The following ACOT13 variants were observed in gnomAD, a reference collection of about 807,000 sequenced individuals.
The protein encoded by ACOT13 is acyl-CoA thioesterase 13.
In ACOT13, 10 loss-of-function variants were observed where a neutral mutation model predicts 11.8. That is an observed-to-expected ratio of 0.85 (90% CI 0.53 to 1.44). The LOEUF (loss-of-function observed/expected upper bound fraction) is 1.44, where lower values mean the gene tolerates loss of function less well. ACOT13 is among the 40% of genes most tolerant of loss of function. The pLI, the probability that ACOT13 is intolerant of heterozygous loss-of-function variation, is 0.00. For synonymous variants in ACOT13, 53 were observed against 61.0 expected (o/e 0.87, Z 0.61); for missense variants, 172 against 174.1 (o/e 0.99, Z 0.07).
chr6:24,687,503 A>C, intron 1 of ACOT13: 7 of 1,369,626 alleles, frequency 5.1e-6, no homozygotes, highest in Non-Finnish European at 3.8e-6. Flanking sequence ...GAAATAAGGA[A>C]GTGGAATTCC....
chr6:24,687,063 C>T (rs1323894676), intron 1 of ACOT13, among the ~76,000 whole-genome samples: 1 of 152,196 alleles, frequency 6.6e-6, no homozygotes, highest in East Asian at 1.9e-4. Context: ...TCGGAGGAGA[C>T]ACACACCATC....
rs1009095738 is a variant in ACOT13, at chr6:24,687,427, T to C, written c.82-10456T>C. The C allele has an allele frequency of 9.0e-6, 11 of 1,225,006 alleles. No homozygotes were observed. The South Asian group carries it at 3.5e-4, about 39-fold the overall frequency. The allele number at this position is 1,225,006 out of a possible 1,614,324, so 75.9% of individuals were successfully genotyped here. On this transcript the variant is annotated intron_variant, in intron 1 of 2. Transcript: ENST00000230048. The stretch of plus-strand genomic sequence containing the variant: ...CAGTAACACGTGGAGGAACATACGT[T>C]GGGAATATCAACTGACACGCACTGT...
chr6:24,684,162 A>C lies in ACOT13; in HGVS notation c.82-13721A>C, dbSNP rs181064083. Among the ~76,000 whole-genome samples, 403 of 152,300 alleles carry C rather than the reference A, an allele frequency of 2.6e-3. 3 individuals are homozygous for C. Among genetic ancestry groups the C allele is most frequent in the Admixed American group, 5.0e-3 (76 of 15,302 alleles). ...ACGTATATAATAACTGTCCCTAACT[A>C]TCTCTCAGGGCTTTTGTGAAAAATA... On this transcript the variant is annotated intron_variant, in intron 1 of 2. Coordinates refer to ENST00000230048, the MANE Select transcript of ACOT13 (RefSeq NM_018473.4).
chr6:24,700,483 T>C (rs931947798), intron 2 of ACOT13, among the ~76,000 whole-genome samples: 33 of 138,340 alleles, frequency 2.4e-4, no homozygotes, highest in African/African-American at 8.7e-4. Context: ...TTGCCCAGGC[T>C]GGAGTCCAGT....
intron 1 of ACOT13, among the ~76,000 whole-genome samples, chr6:24,672,922 G>A: frequency 6.6e-6 from 1 of 152,154 alleles, no homozygotes; most frequent in Non-Finnish European, 1.5e-5. Context: ...TGTATCTCAG[G>A]AATGCAGTTT....
chr6:24,679,140 A>G (rs200525128), intron 1 of ACOT13, among the ~76,000 whole-genome samples: 1 of 146,242 alleles, frequency 6.8e-6, no homozygotes, highest in African/African-American at 2.5e-5. Context: ...GAAGCAAGCC[A>G]TATTAGGCAT....
At chr6:24,681,760 T>C (rs1353844941) in intron 1 of ACOT13, among the ~76,000 whole-genome samples, 1 of 152,084 alleles carries the variant, frequency 6.6e-6, no homozygotes, top group Non-Finnish European at 1.5e-5. Flanking sequence ...TAGATCCCTT[T>C]GGAGATACAA....
intron 1 of ACOT13, among the ~76,000 whole-genome samples, chr6:24,668,271 T>A (rs1402154516): frequency 3.3e-5 from 5 of 151,578 alleles, no homozygotes; most frequent in Non-Finnish European, 7.4e-5. Context: ...CATGCGGGAG[T>A]GCAGTGACAC....
In ACOT13 at chr6:24,667,090, C is replaced by G; in HGVS notation, c.-174C>G. 2 of 847,826 alleles carry G rather than the reference C, an allele frequency of 2.4e-6. No individual in the cohort carries two copies. Among genetic ancestry groups the G allele is most frequent in the Non-Finnish European group, 3.6e-6 (2 of 557,374 alleles). The allele number at this position is 847,826 out of a possible 1,614,324, so 52.5% of individuals were successfully genotyped here. ...GCGAGGAAAGTCAGTGAGCAAATCGCGGACCACCGGGGCTGCCAGCTCGCC... is the reference window on the plus strand; with the variant it reads ...GCGAGGAAAGTCAGTGAGCAAATCGGGGACCACCGGGGCTGCCAGCTCGCC... On this transcript the variant is annotated 5_prime_UTR_variant, in exon 1 of 3. Coordinates refer to ENST00000230048, the MANE Select transcript of ACOT13 (RefSeq NM_018473.4).
Position 24,702,326 on chromosome 6 carries a change from G to C in ACOT13, c.*711G>C, listed in dbSNP as rs1003494217. On this transcript the variant is annotated 3_prime_UTR_variant, in exon 3 of 3. Transcript: ENST00000230048. ...AGGGTTCACCATGTTGGCCAGGCTGGTCTCGAACTCGTGACCTCAGGTGAT... is the reference window on the plus strand; with the variant it reads ...AGGGTTCACCATGTTGGCCAGGCTGCTCTCGAACTCGTGACCTCAGGTGAT... 2 of 152,344 alleles carry C rather than the reference G, an allele frequency of 1.3e-5. No homozygotes were observed. The highest frequency in any genetic ancestry group is 4.8e-5 in the African/African-American group (2 of 41,448). 9.4% of individuals were successfully genotyped at this position (152,344 alleles called of 1,614,324 possible).
At chr6:24,685,697 G>T (rs981589639) in intron 1 of ACOT13, among the ~76,000 whole-genome samples, 6 of 152,112 alleles carry the variant, frequency 3.9e-5, no homozygotes, top group Non-Finnish European at 7.3e-5. Flanking sequence ...GTTCTCAGTT[G>T]GAGGTGATTT....
At chr6:24,684,574 T>A (rs1259522648) in intron 1 of ACOT13, among the ~76,000 whole-genome samples, 1 of 54,370 alleles carries the variant, frequency 1.8e-5, no homozygotes, top group African/African-American at 1.0e-4. Context: ...ACGGCTGAAG[T>A]GTCCAGATTA....
At chr6:24,687,705 A>AT (rs3033242) in intron 1 of ACOT13, 249,338 of 1,236,224 alleles carry the variant, frequency 0.2, 2,569 homozygotes, top group East Asian at 0.32. Flanking sequence ...TAAGAATAGA[A>AT]TTTTTTTTTT....
intron 1 of ACOT13, among the ~76,000 whole-genome samples, chr6:24,682,567 C>A (rs1336186523): frequency 6.6e-6 from 1 of 152,166 alleles, no homozygotes; most frequent in Non-Finnish European, 1.5e-5. Context: ...GGAACAATGG[C>A]AAGCCTTTAG....
chr6:24,667,336 T>TTGGGAAAGGTA lies in ACOT13; in HGVS notation c.81+4_81+14dup. Reference sequence around the variant, plus strand: ...CAAGGCTCGCAATTTTGAGAGAGTTTTGGGAAAGGTATGGGAAAGGTAGGG... The same window carrying TTGGGAAAGGTA: ...CAAGGCTCGCAATTTTGAGAGAGTTTTGGGAAAGGTATGGGAAAGGTATGGGAAAGGTAGGG... On this transcript the variant is annotated frameshift_variant, in exon 1 of 3. Transcript: ENST00000230048. LOFTEE classifies it high-confidence loss of function. 1 of 1,614,038 alleles carries TTGGGAAAGGTA rather than the reference T, an allele frequency of 6.2e-7. No homozygotes were observed. Among genetic ancestry groups the TTGGGAAAGGTA allele is most frequent in the Non-Finnish European group, 8.5e-7 (1 of 1,179,976 alleles).
intron 1 of ACOT13, among the ~76,000 whole-genome samples, chr6:24,668,659 C>T (rs1778305528): frequency 6.6e-6 from 1 of 152,298 alleles, no homozygotes; most frequent in Non-Finnish European, 1.5e-5. Context: ...TGGTGACCCA[C>T]AATTGGCTGT....
At chr6:24,700,293 T>G (rs1778870613) in intron 2 of ACOT13, among the ~76,000 whole-genome samples, 1 of 152,232 alleles carries the variant, frequency 6.6e-6, no homozygotes, top group South Asian at 2.1e-4. Flanking sequence ...CCAAAATTCT[T>G]GATTTCTAAG....
At chr6:24,682,474 G>A (rs966479655) in intron 1 of ACOT13, among the ~76,000 whole-genome samples, 1 of 152,216 alleles carries the variant, frequency 6.6e-6, no homozygotes, top group African/African-American at 2.4e-5. Context: ...TCTATTAGAA[G>A]ACATGGGTCA....
In ACOT13 at chr6:24,701,773, G is replaced by A; in HGVS notation, c.*158G>A. ...GGATATCAAGTAGGGTAAAGGTGGG[G>A]GTGTCTTTTTTCACTTTAAGCATCT... On this transcript the variant is annotated 3_prime_UTR_variant, in exon 3 of 3. Coordinates refer to ENST00000230048, the MANE Select transcript of ACOT13 (RefSeq NM_018473.4). The A allele has an allele frequency of 1.5e-6, 1 of 670,980 alleles. No individual in the cohort carries two copies. Among genetic ancestry groups the A allele is most frequent in the Non-Finnish European group, 2.3e-6 (1 of 437,710 alleles). The allele number at this position is 670,980 out of a possible 1,614,324, so 41.6% of individuals were successfully genotyped here.
Sources: allele counts gnomAD v4.1 joint callset (sites outside exome capture counted in the v4.1 genomes callset), GRCh38; gene constraint gnomAD v4.1.1; transcripts MANE v1.5; gene names NCBI Gene and HGNC (gene_info 2026-07-23, HGNC 2026-07-21).